ATL2: variants seen among roughly 807,000 people sequenced by gnomAD.
ATL2 encodes atlastin-2.
A neutral mutation model predicts 73.9 loss-of-function variants in ATL2; 31 were observed. The ratio of observed to expected loss-of-function variants is 0.42; its 90% CI spans 0.32 to 0.57. The LOEUF (loss-of-function observed/expected upper bound fraction) is 0.57, where lower values mean the gene tolerates loss of function less well. ATL2 is among the 20% of genes least tolerant of loss of function. The probability of loss-of-function intolerance (pLI) is 0.14; values close to 1 mark genes in which losing one functional copy is unlikely to be tolerated. For missense variants in ATL2, 738 were observed against 702.6 expected (o/e 1.05, Z -0.57); for synonymous variants, 291 against 237.5 (o/e 1.23, Z -2.07).
At chr2:38,304,453 G>A (rs1188985628) in intron 9 of ATL2, among the ~76,000 whole-genome samples, 1 of 152,104 alleles carries the variant, frequency 6.6e-6, no homozygotes, top group African/African-American at 2.4e-5. Flanking sequence ...TGATTTGAAG[G>A]TCCAAAACTC....
chr2:38,372,089 T>A (rs900877404), intron 1 of ATL2, among the ~76,000 whole-genome samples: 1 of 151,288 alleles, frequency 6.6e-6, no homozygotes. Flanking sequence ...AAGGTTTTTA[T>A]GAGATTCACT....
intron 5 of ATL2, 113 bp from the exon 6 acceptor site, chr2:38,314,777 G>C: frequency 1.5e-6 from 1 of 660,936 alleles, no homozygotes; most frequent in Non-Finnish European, 2.5e-6. Flanking sequence ...TCATTTCAAA[G>C]CCAAACATTT....
Position 38,352,664 on chromosome 2 carries a change from A to G in ATL2, c.119-9152T>C, listed in dbSNP as rs535427083. ...CAGGGTTGAGAGAGAAACAGAAGTC[A>G]AACATTACTGAGACACTTTGGAGTT... On this transcript the variant is annotated intron_variant, in intron 1 of 12. Transcript: ENST00000378954. Among the ~76,000 whole-genome samples the G allele has an allele frequency of 1.0e-3, 155 of 152,340 alleles. 1 individual carries two copies. The Middle Eastern group carries it at 0.024, about 23-fold the overall frequency.
At chr2:38,355,331 T>C (rs1215453651) in intron 1 of ATL2, among the ~76,000 whole-genome samples, 1 of 152,174 alleles carries the variant, frequency 6.6e-6, no homozygotes, top group Non-Finnish European at 1.5e-5. Flanking sequence ...TTCATCACAT[T>C]GGTCAGGCTG....
rs943706969 is a variant in ATL2, at chr2:38,324,369, A to C, written c.364-5350T>G. On this transcript the variant is annotated intron_variant, in intron 2 of 12. Transcript: ENST00000378954. ...CACACCACCACAAATGAAAATCTTCATGTGTATAAAACTAGTACCTAATCA... is the reference window on the plus strand; with the variant it reads ...CACACCACCACAAATGAAAATCTTCCTGTGTATAAAACTAGTACCTAATCA... 3.7e-4 allele frequency among the ~76,000 whole-genome samples: 57 copies of C among 152,234 alleles called. 3 individuals are homozygous for C.
chr2:38,296,125 G>C lies in ATL2; in HGVS notation c.1633-12C>G. On this transcript the variant is annotated splice_polypyrimidine_tract_variant and intron_variant, in intron 12 of 12. Transcript: ENST00000378954. ...AGGGGCTTCAATACCTGTGGTATGA[G>C]AAATGTGCAAAACAAACAAAAACAT... The C allele has an allele frequency of 6.5e-7, 1 of 1,542,340 alleles. No individual in the cohort carries two copies. The highest frequency in any genetic ancestry group is 8.8e-7 in the Non-Finnish European group (1 of 1,142,788).
At chr2:38,345,178 G>A (rs1669950099) in intron 1 of ATL2, among the ~76,000 whole-genome samples, 1 of 152,092 alleles carries the variant, frequency 6.6e-6, no homozygotes, top group Non-Finnish European at 1.5e-5. Context: ...CCTTGAGCCT[G>A]TCTACTAAGT....
intron 1 of ATL2, among the ~76,000 whole-genome samples, chr2:38,367,422 T>C (rs1395605861): frequency 2.0e-5 from 3 of 150,538 alleles, no homozygotes; most frequent in East Asian, 2.0e-4. Context: ...GCTAACACGG[T>C]GAAACCCCGT....
At chr2:38,302,619 C>G (rs1052749640) in intron 9 of ATL2, among the ~76,000 whole-genome samples, 8 of 152,214 alleles carry the variant, frequency 5.3e-5, no homozygotes, top group African/African-American at 1.7e-4. Flanking sequence ...AGCACAGAGA[C>G]AGAGACTCCA....
chr2:38,363,706 G>A (rs1204682015), intron 1 of ATL2, among the ~76,000 whole-genome samples: 3 of 152,112 alleles, frequency 2.0e-5, no homozygotes, highest in African/African-American at 7.2e-5. Context: ...GAATTACGAG[G>A]AAGACCTCCC....
chr2:38,341,267 T>A (rs1391222295), intron 2 of ATL2, among the ~76,000 whole-genome samples: 1 of 152,202 alleles, frequency 6.6e-6, no homozygotes. Flanking sequence ...TCTTTAAATG[T>A]ACAGTTTTTT....
chr2:38,320,046 G>A (rs6721736), intron 2 of ATL2, among the ~76,000 whole-genome samples: 1 of 152,062 alleles, frequency 6.6e-6, no homozygotes, highest in Non-Finnish European at 1.5e-5. Context: ...GGCAGAGGTT[G>A]CAGTGAGCAG....
intron 2 of ATL2, among the ~76,000 whole-genome samples, chr2:38,334,093 G>C (rs552200586): frequency 1.4e-5 from 2 of 141,668 alleles, no homozygotes; most frequent in Non-Finnish European, 3.0e-5. Flanking sequence ...ACAGTGGCAT[G>C]GTCTCAGCTC....
chr2:38,371,835 T>G (rs1017976056), intron 1 of ATL2, among the ~76,000 whole-genome samples: 1 of 152,070 alleles, frequency 6.6e-6, no homozygotes, highest in Non-Finnish European at 1.5e-5. Context: ...AGGTGGAGAT[T>G]GCAGTGAGCC....
intron 2 of ATL2, among the ~76,000 whole-genome samples, chr2:38,323,927 T>C (rs916003057): frequency 3.9e-5 from 6 of 152,076 alleles, no homozygotes; most frequent in African/African-American, 9.7e-5. Context: ...TAAAGGTTCA[T>C]ACAAAAGCCA....
chr2:38,310,610 C>A (rs1248582301), intron 7 of ATL2, among the ~76,000 whole-genome samples, 163 bp from the exon 8 acceptor site: 5 of 150,260 alleles, frequency 3.3e-5, no homozygotes, highest in Admixed American at 2.0e-4. Flanking sequence ...CCATTTCTGA[C>A]CACTTTGTTA....
intron 2 of ATL2, among the ~76,000 whole-genome samples, chr2:38,331,775 C>G: frequency 6.6e-6 from 1 of 151,750 alleles, no homozygotes; most frequent in South Asian, 2.1e-4. Context: ...GGTGCTGGGA[C>G]AAATAGATAC....
At chr2:38,321,290 C>T (rs187646301) in intron 2 of ATL2, among the ~76,000 whole-genome samples, 1 of 152,296 alleles carries the variant, frequency 6.6e-6, no homozygotes, top group Non-Finnish European at 1.5e-5. Context: ...CCCCAGTAGG[C>T]CACCAATCCT....
chr2:38,365,862 G>A (rs1671293222), intron 1 of ATL2, among the ~76,000 whole-genome samples: 1 of 151,952 alleles, frequency 6.6e-6, no homozygotes, highest in African/African-American at 2.4e-5. Flanking sequence ...CAGGAGAATG[G>A]TTTGAATCTG....
Sources: gnomAD v4.1 joint callset for allele counts (sites outside exome capture counted in the v4.1 genomes callset) on GRCh38, gnomAD v4.1.1 for gene constraint, MANE v1.5 for transcripts, NCBI Gene and HGNC (gene_info 2026-07-23, HGNC 2026-07-21) for gene names.